The following IPO11 variants were observed in gnomAD, a reference collection of about 807,000 sequenced individuals.
IPO11 encodes importin-11.
Under a neutral mutation model 143.2 loss-of-function variants are expected in IPO11, and 66 were observed. The observed-to-expected ratio is 0.46, with a 90% CI of 0.38 to 0.57. The LOEUF (loss-of-function observed/expected upper bound fraction) is 0.57. Among genes scored for constraint, IPO11 ranks in the 20% least tolerant of loss-of-function variants. The probability of loss-of-function intolerance (pLI) is 0.00; values close to 1 mark genes in which losing one functional copy is unlikely to be tolerated. For missense variants in IPO11, 1,026 were observed against 1,141.0 expected (o/e 0.90, Z 1.45); for synonymous variants, 385 against 377.8 (o/e 1.02, Z -0.22).
At chr5:62,503,300 C>CAGTTTCTATTAATATATTAAT (rs1741408642) in intron 16 of IPO11, among the ~76,000 whole-genome samples, 2 of 142,696 alleles carry the variant, frequency 1.4e-5, no homozygotes, top group South Asian at 4.4e-4. Flanking sequence ...CCATTTTTAT[C>CAGTTTCTATTAATATATTAAT]AGTATCTATT....
intron 24 of IPO11, among the ~76,000 whole-genome samples, chr5:62,539,750 T>C (rs1012029592): frequency 6.6e-6 from 1 of 152,268 alleles, no homozygotes; most frequent in Non-Finnish European, 1.5e-5. Context: ...AAAATGCCTT[T>C]ATGAATTTTT....
intron 24 of IPO11, among the ~76,000 whole-genome samples, chr5:62,541,981 G>A (rs907717822): frequency 1.3e-5 from 2 of 152,068 alleles, no homozygotes; most frequent in Admixed American, 6.5e-5. Flanking sequence ...CAGAGACTGA[G>A]GTTATAAAAT....
At chr5:62,532,805 A>C (rs1742603210) in intron 22 of IPO11, among the ~76,000 whole-genome samples, 1 of 152,210 alleles carries the variant, frequency 6.6e-6, no homozygotes, top group East Asian at 1.9e-4. Flanking sequence ...TATTACTGTC[A>C]CTATTAACAT....
chr5:62,509,156 C>G (rs1228047723), intron 19 of IPO11, among the ~76,000 whole-genome samples: 2 of 152,076 alleles, frequency 1.3e-5, no homozygotes, highest in African/African-American at 4.8e-5. Flanking sequence ...GTGCAGAGAT[C>G]TTATAAATAT....
chr5:62,531,529 C>T (rs1030768271), intron 22 of IPO11, among the ~76,000 whole-genome samples: 9 of 152,172 alleles, frequency 5.9e-5, no homozygotes, highest in East Asian at 1.9e-4. Context: ...GGGGTTTCAC[C>T]GTGCTGGCCA....
chr5:62,516,639 T>C (rs1742030715), intron 20 of IPO11, among the ~76,000 whole-genome samples: 1 of 152,180 alleles, frequency 6.6e-6, no homozygotes, highest in African/African-American at 2.4e-5. Context: ...GATTCCTGTT[T>C]AAGGCAATTT....
At chr5:62,620,249 A>G (rs986432807) in intron 29 of IPO11, among the ~76,000 whole-genome samples, 2 of 151,896 alleles carry the variant, frequency 1.3e-5, no homozygotes, top group Non-Finnish European at 2.9e-5. Context: ...GCTGGGCGCG[A>G]TGCCTCACGC....
intron 26 of IPO11, among the ~76,000 whole-genome samples, chr5:62,553,323 A>AGTGTGTGTGTGTGTGTGT (rs3077458): frequency 8.4e-6 from 1 of 119,180 alleles, no homozygotes; most frequent in African/African-American, 3.1e-5. Context: ...TATTCGTGTG[A>AGTGTGTGTGTGTGTGTGT]GTGTGTGTGT....
Position 62,451,782 on chromosome 5 carries a change from C to T in IPO11, c.365C>T (p.Pro122Leu), listed in dbSNP as rs1187588384. 1.2e-6 allele frequency: 2 copies of T among 1,613,928 alleles called. No homozygotes were observed. Among genetic ancestry groups the T allele is most frequent in the Admixed American group, 1.7e-5 (1 of 59,966 alleles). The change falls in exon 5 of 30, where the codon CCC becomes CTC. Residue 122 changes from proline to leucine, a missense_variant. Coordinates refer to ENST00000325324, the MANE Select transcript of IPO11 (RefSeq NM_016338.5). ...LIAKVARLDC[P>L]RQWPELIPTL... ...GCAAAAGTTGCTAGATTGGATTGTC[C>T]CAGACAGTGGCCTGAACTAATTCCC...
intron 16 of IPO11, among the ~76,000 whole-genome samples, chr5:62,500,070 A>C (rs1038760918): frequency 1.3e-5 from 2 of 152,242 alleles, no homozygotes; most frequent in Non-Finnish European, 1.5e-5. Flanking sequence ...AAATTGCTTG[A>C]GCCCAGGAAT....
intron 29 of IPO11, among the ~76,000 whole-genome samples, chr5:62,620,067 C>T (rs1003701712): frequency 3.3e-5 from 5 of 152,188 alleles, no homozygotes; most frequent in African/African-American, 1.2e-4. Flanking sequence ...GAGTCATACT[C>T]TGTAAAATAT....
intron 1 of IPO11, chr5:62,418,862 CTG>C: frequency 2.5e-6 from 2 of 811,118 alleles, no homozygotes; most frequent in Non-Finnish European, 3.7e-6. Flanking sequence ...TCTTATATGC[CTG>C]TGCAGGGGTT....
At chr5:62,415,503 T>A (rs1743262198) in intron 1 of IPO11, among the ~76,000 whole-genome samples, 1 of 116,000 alleles carries the variant, frequency 8.6e-6, no homozygotes, top group African/African-American at 3.3e-5. Context: ...AGTTCTGCTC[T>A]TTTTGCCCAG....
rs753460411 is a variant in IPO11 at position 62,530,733 on chromosome 5, A to G, written c.2037A>G (p.Pro679=). ...ELWLVTLENS[P]CITPELLRIF... ...GGTTAGTAACTTTGGAAAACAGTCC[A>G]TGTATTACACCAGAGTTGCTTCGTA... Residue 679 remains proline (P), a synonymous_variant, in exon 22 of 30, where the codon CCA becomes CCG. Transcript: ENST00000325324. 8.7e-6 allele frequency: 14 copies of G among 1,612,876 alleles called. No individual in the cohort carries two copies. The highest frequency in any genetic ancestry group is 2.2e-5 in the South Asian group (2 of 91,030).
Position 62,609,414 on chromosome 5 carries a change from A to G in IPO11, c.2763+7566A>G, listed in dbSNP as rs58506284. ...AGACGTTTAACTGGTTCTCACAGTC[A>G]TGGAAGATCAAATCCCTATAATAAG... On this transcript the variant is annotated intron_variant, in intron 29 of 29. Coordinates refer to ENST00000325324, the MANE Select transcript of IPO11 (RefSeq NM_016338.5). Among the ~76,000 whole-genome samples, 669 of 152,366 alleles carry G rather than the reference A, an allele frequency of 4.4e-3. 7 individuals are homozygous for G. The highest frequency in any genetic ancestry group is 0.016 in the African/African-American group (645 of 41,590).
intron 29 of IPO11, among the ~76,000 whole-genome samples, chr5:62,621,365 G>A (rs1746364320): frequency 6.6e-6 from 1 of 152,144 alleles, no homozygotes; most frequent in Non-Finnish European, 1.5e-5. Context: ...AGTGACAGGG[G>A]TACCTGTTAA....
At chr5:62,526,405 T>C in intron 21 of IPO11, 148 bp downstream of exon 21, 1 of 575,688 alleles carries the variant, frequency 1.7e-6, no homozygotes, top group South Asian at 2.0e-5. Context: ...ATCTCCTTTT[T>C]TTGGCAGCTG....
intron 26 of IPO11, among the ~76,000 whole-genome samples, chr5:62,557,644 A>G (rs922212788): frequency 1.3e-5 from 2 of 152,056 alleles, no homozygotes; most frequent in East Asian, 1.9e-4. Context: ...TACAATGCCT[A>G]TTTTTCCCTC....
At chr5:62,581,018 C>A (rs1240262790) in intron 27 of IPO11, 1 of 1,551,088 alleles carries the variant, frequency 6.4e-7, no homozygotes, top group South Asian at 1.2e-5. Context: ...TTGAATGAGG[C>A]TTTTGACATT....
Sources: gnomAD v4.1 joint callset for allele counts (sites outside exome capture counted in the v4.1 genomes callset) on GRCh38, gnomAD v4.1.1 for gene constraint, MANE v1.5 for transcripts, NCBI Gene and HGNC (gene_info 2026-07-23, HGNC 2026-07-21) for gene names.